The following COL18A1 variants were observed in gnomAD, a reference collection of about 807,000 sequenced individuals.
COL18A1 encodes collagen alpha-1(XVIII) chain.
Under a neutral mutation model 168.0 loss-of-function variants are expected in COL18A1, and 133 were observed. The observed-to-expected ratio is 0.79, with a 90% CI of 0.69 to 0.91. The LOEUF is 0.91. Among genes scored for constraint, COL18A1 ranks in the 40% least tolerant of loss-of-function variants. The probability of loss-of-function intolerance (pLI) is 0.00; values close to 1 mark genes in which losing one functional copy is unlikely to be tolerated. For synonymous variants in COL18A1, 949 were observed against 809.0 expected (o/e 1.17, Z -2.94); for missense variants, 2,126 against 1,925.4 (o/e 1.10, Z -1.95).
chr21:45,452,075 C>T (rs1032843470), intron 2 of COL18A1, among the ~76,000 whole-genome samples: 5 of 152,272 alleles, frequency 3.3e-5, no homozygotes, highest in Non-Finnish European at 5.9e-5. Context: ...AGCTTCTCTG[C>T]TCCCTCCACC....
intron 2 of COL18A1, among the ~76,000 whole-genome samples, chr21:45,451,001 G>A (rs536943952): frequency 3.3e-5 from 5 of 152,346 alleles, no homozygotes; most frequent in Non-Finnish European, 5.9e-5. Context: ...TGGCTGCTCC[G>A]GCGGTGCCAT....
chr21:45,427,646 G>A (rs1163997134), intron 2 of COL18A1, among the ~76,000 whole-genome samples: 1 of 152,220 alleles, frequency 6.6e-6, no homozygotes, highest in African/African-American at 2.4e-5. Flanking sequence ...CGGGTGTTGA[G>A]GTCTCTGTGC....
At chr21:45,496,238 C>T (rs2036539469) in intron 29 of COL18A1, 3 of 675,808 alleles carry the variant, frequency 4.4e-6, no homozygotes, top group Non-Finnish European at 5.5e-6. Context: ...ACCTTTTTAC[C>T]TGAGACGCAG....
At chr21:45,406,989 G>T (rs1259617178) in intron 2 of COL18A1, among the ~76,000 whole-genome samples, 1 of 152,212 alleles carries the variant, frequency 6.6e-6, no homozygotes. Context: ...GGGCAGGAAG[G>T]CCCCTTGGAG....
chr21:45,465,335 GTC>G (rs1399247139), intron 2 of COL18A1, among the ~76,000 whole-genome samples: 2 of 151,652 alleles, frequency 1.3e-5, no homozygotes, highest in Non-Finnish European at 1.5e-5. Context: ...TCAACAGGAA[GTC>G]TCCACCCGGG....
At position 45,480,754 on chromosome 21, in the gene COL18A1, G is replaced by A. The variant is rs368194132; in HGVS notation, c.1507G>A (p.Gly503Ser). The A allele has an allele frequency of 7.2e-5, 116 of 1,610,750 alleles. No homozygotes were observed. Among genetic ancestry groups the A allele is most frequent in the South Asian group, 1.3e-4 (12 of 91,062 alleles). Residue 503 changes from glycine to serine, a missense_variant, in exon 13 of 42, where the codon GGC (glycine) becomes AGC (serine). Transcript: ENST00000651438. ...PGPPGVPGLP[G>S]EPGRFGVNSS... is the part of the protein sequence containing the mutation. The stretch of plus-strand genomic sequence containing the variant: ...ACCCCCCGGTGTCCCAGGCCTGCCC[G>A]GCGAGCCAGGCCGCTTTGGGGTGAA...
intron 3 of COL18A1, among the ~76,000 whole-genome samples, chr21:45,472,188 C>T (rs930130994): frequency 2.6e-5 from 4 of 152,132 alleles, no homozygotes; most frequent in Non-Finnish European, 5.9e-5. Context: ...GATGCACCCC[C>T]CGCCCGGGCT....
At chr21:45,436,719 G>C (rs966180714) in intron 2 of COL18A1, among the ~76,000 whole-genome samples, 1 of 151,960 alleles carries the variant, frequency 6.6e-6, no homozygotes, top group Non-Finnish European at 1.5e-5. Flanking sequence ...TGCTGGTGGG[G>C]GGCCCTAGAA....
rs1359201667 is a variant in COL18A1 at position 45,509,620 on chromosome 21, T to G, written c.3495+19T>G. The G allele has an allele frequency of 7.5e-7, 1 of 1,337,046 alleles. No homozygotes were observed. Among genetic ancestry groups the G allele is most frequent in the Non-Finnish European group, 1.0e-6 (1 of 965,324 alleles). The allele number at this position is 1,337,046 out of a possible 1,614,324, so 82.8% of individuals were successfully genotyped here. On this transcript the variant is annotated intron_variant, in intron 39 of 41. Transcript: ENST00000651438. ...GCCGGTGGTGAGTGCCCCCCCAAAGTGGGCTTGGCTCCATCTAGCCCCTCG... is the reference window on the plus strand; with the variant it reads ...GCCGGTGGTGAGTGCCCCCCCAAAGGGGGCTTGGCTCCATCTAGCCCCTCG...
chr21:45,494,785 C>T (rs1216124680), intron 27 of COL18A1, 77 bp from the exon 28 acceptor site: 2 of 1,385,636 alleles, frequency 1.4e-6, no homozygotes, highest in South Asian at 1.2e-5. Context: ...ATGGCCCCTC[C>T]CCTTCCCCAG....
intron 37 of COL18A1, chr21:45,506,352 G>A (rs917223190): frequency 1.1e-5 from 4 of 354,618 alleles, no homozygotes; most frequent in East Asian, 1.5e-4. Context: ...GGCCCCGGCT[G>A]GGGGGCAGGC....
intron 4 of COL18A1, 84 bp from the exon 5 acceptor site, chr21:45,475,392 G>C: frequency 8.0e-7 from 1 of 1,249,416 alleles, no homozygotes; most frequent in Non-Finnish European, 1.1e-6. Context: ...GGCGAGAGCA[G>C]CGTCCTTTGC....
chr21:45,511,450 G>A (rs373216412), intron 41 of COL18A1, among the ~76,000 whole-genome samples: 2 of 152,296 alleles, frequency 1.3e-5, no homozygotes, highest in Middle Eastern at 3.4e-3. Context: ...AGAAGGCCCC[G>A]AAGGTGCCCC....
Position 45,463,964 on chromosome 21 carries a change from G to A in COL18A1, c.107-4278G>A, listed in dbSNP as rs758892625. Among the ~76,000 whole-genome samples the A allele has an allele frequency of 6.6e-6, 1 of 152,198 alleles. No individual in the cohort carries two copies. The highest frequency in any genetic ancestry group is 1.5e-5 in the Non-Finnish European group (1 of 68,034). ...CATCATTGTTATATCATGTGCAGGT[G>A]TCTAGCCTGGATGCCACCCAGCTAT... On this transcript the variant is annotated intron_variant, in intron 2 of 41. Coordinates refer to ENST00000651438, the MANE Select transcript of COL18A1 (RefSeq NM_001379500.1). This position sits in a 1 kb window ranked among gnomAD's most constrained non-coding sequence, Gnocchi z 4.0.
At chr21:45,503,560 C>G (rs927559115) in intron 32 of COL18A1, among the ~76,000 whole-genome samples, 3 of 147,016 alleles carry the variant, frequency 2.0e-5, no homozygotes, top group Non-Finnish European at 4.4e-5. Context: ...ACCGCATATT[C>G]TCACTCATAG....
rs575128690 is a variant in COL18A1, at chr21:45,483,688, C to T, written c.1701+867C>T. On this transcript the variant is annotated intron_variant, in intron 15 of 41. Transcript: ENST00000651438. ...TCAGGAGCTCCTCACCTTGGCTGGA[C>T]GGGGTTGGCACTAACGGGGAACTTT... Among the ~76,000 whole-genome samples the T allele has an allele frequency of 4.6e-5, 7 of 152,236 alleles. No homozygotes were observed. The South Asian group carries it at 6.2e-4, about 14-fold the overall frequency.
chr21:45,474,803 G>GACGTGGAGCCA (rs1568899770), intron 4 of COL18A1, among the ~76,000 whole-genome samples: 1 of 146,948 alleles, frequency 6.8e-6, no homozygotes, highest in Admixed American at 6.8e-5. Flanking sequence ...AGACACCGTG[G>GACGTGGAGCCA]CTGGACTGTG....
intron 32 of COL18A1, among the ~76,000 whole-genome samples, chr21:45,503,673 T>C (rs1025662581): frequency 1.4e-5 from 2 of 147,774 alleles, no homozygotes; most frequent in South Asian, 2.2e-4. Flanking sequence ...CATTGGGAGA[T>C]ATACCTAATG....
chr21:45,511,190 C>A lies in COL18A1; in HGVS notation c.3773C>A (p.Ser1258Tyr). The A allele has an allele frequency of 6.3e-7, 1 of 1,598,296 alleles. No homozygotes were observed. Residue 1258 changes from serine (S) to tyrosine (Y), a missense_variant, in exon 41 of 42, where the codon TCC (serine) becomes TAC (tyrosine). Ser to Tyr is a moderately radical substitution (Grantham distance 144). Coordinates refer to ENST00000651438, the MANE Select transcript of COL18A1 (RefSeq NM_001379500.1). ...GPLKPGARIF[S>Y]FDGKDVLRHP... ...CTGAAGCCCGGGGCACGCATCTTCT[C>A]CTTTGACGGCAAGGACGTCCTGAGG...
Sources: gnomAD v4.1 joint callset for allele counts (sites outside exome capture counted in the v4.1 genomes callset) on GRCh38, gnomAD v4.1.1 for gene constraint, Gnocchi (gnomAD v3.1) non-coding constraint, MANE v1.5 for transcripts, NCBI Gene and HGNC (gene_info 2026-07-23, HGNC 2026-07-21) for gene names.